The following HPSE2 variants were observed in gnomAD, a reference collection of about 807,000 sequenced individuals.
The protein encoded by HPSE2 is heparanase 2 (inactive).
Under a neutral mutation model 60.5 loss-of-function variants are expected in HPSE2, and 38 were observed. The observed-to-expected ratio is 0.63, with a 90% CI of 0.48 to 0.82. The LOEUF (loss-of-function observed/expected upper bound fraction) is 0.82, where lower values mean the gene tolerates loss of function less well. Ranked by LOEUF, HPSE2 falls within the 40% of genes least tolerant of loss-of-function variation. The pLI is 0.00. For missense variants in HPSE2, 713 were observed against 740.4 expected, an observed-to-expected ratio of 0.96 and a Z score of 0.43; for synonymous variants, 295 against 293.2, an observed-to-expected ratio of 1.01 and a Z score of -0.06.
chr10:98,997,093 T>G (rs1040264577), intron 3 of HPSE2, among the ~76,000 whole-genome samples: 1 of 150,690 alleles, frequency 6.6e-6, no homozygotes. Context: ...GTCCTTACTT[T>G]AGTCAATACA....
chr10:98,556,960 C>T (rs1279595256), intron 9 of HPSE2, among the ~76,000 whole-genome samples: 1 of 152,132 alleles, frequency 6.6e-6, no homozygotes, highest in East Asian at 1.9e-4. Flanking sequence ...CCTGTAATCC[C>T]AGCACTTTGG....
chr10:99,277,011 G>C, the HPSE2 span, among the ~76,000 whole-genome samples: 130,268 of 152,192 alleles, frequency 0.86, 56,115 homozygotes, highest in African/African-American at 0.92. Flanking sequence ...TAAATTACCA[G>C]GTCAATTCTG....
At chr10:98,862,219 G>C (rs1952475439) in intron 3 of HPSE2, among the ~76,000 whole-genome samples, 2 of 152,084 alleles carry the variant, frequency 1.3e-5, no homozygotes, top group South Asian at 4.1e-4. Flanking sequence ...CACAGCATGA[G>C]AGCCTAAGAA....
chr10:99,028,060 G>A (rs1957417830), intron 3 of HPSE2, among the ~76,000 whole-genome samples: 1 of 152,044 alleles, frequency 6.6e-6, no homozygotes, highest in Non-Finnish European at 1.5e-5. Context: ...AACAAGAAAA[G>A]ACTGAAAGCC....
chr10:98,797,897 G>C (rs1302323834), intron 3 of HPSE2, among the ~76,000 whole-genome samples: 3 of 151,988 alleles, frequency 2.0e-5, no homozygotes, highest in Non-Finnish European at 1.5e-5. Flanking sequence ...AGATGGGGTA[G>C]AAAGTTTATT....
chr10:98,895,502 A>C (rs1181733198), intron 3 of HPSE2, among the ~76,000 whole-genome samples: 1 of 152,186 alleles, frequency 6.6e-6, no homozygotes, highest in African/African-American at 2.4e-5. Context: ...TCATTGAGAA[A>C]GTTTAGGAAG....
chr10:98,806,448 T>C (rs1032870427), intron 3 of HPSE2, among the ~76,000 whole-genome samples: 1 of 152,198 alleles, frequency 6.6e-6, no homozygotes, highest in African/African-American at 2.4e-5. Context: ...AATAGAGCAC[T>C]GGACTTAGAG....
chr10:98,663,279 T>C (rs1420060941), intron 6 of HPSE2, among the ~76,000 whole-genome samples: 1 of 152,156 alleles, frequency 6.6e-6, no homozygotes, highest in East Asian at 1.9e-4. Context: ...ATGGAACTTA[T>C]ATTCTAGAAG....
intron 3 of HPSE2, among the ~76,000 whole-genome samples, chr10:99,094,411 C>A (rs1843627315): frequency 1.3e-5 from 2 of 149,154 alleles, no homozygotes; most frequent in Middle Eastern, 3.5e-3. Context: ...ATATACATTT[C>A]TATATCCAAT....
At chr10:98,465,132 T>G (rs1232288830) in intron 11 of HPSE2, among the ~76,000 whole-genome samples, 1 of 152,228 alleles carries the variant, frequency 6.6e-6, no homozygotes, top group Non-Finnish European at 1.5e-5. Context: ...ATATTTATCT[T>G]GTTACCCAGC....
chr10:98,675,246 T>A (rs1487358569), intron 6 of HPSE2, among the ~76,000 whole-genome samples: 2 of 152,168 alleles, frequency 1.3e-5, no homozygotes. Flanking sequence ...CTTTTACATC[T>A]GTGTTCAGAT....
chr10:98,731,974 A>G (rs74154337), intron 4 of HPSE2, among the ~76,000 whole-genome samples: 2,013 of 152,282 alleles, frequency 0.013, 55 homozygotes, highest in African/African-American at 0.046. Context: ...AAAATCAATT[A>G]TATTTCTAAG....
chr10:98,863,884 CATT>C (rs1952521145), intron 3 of HPSE2, among the ~76,000 whole-genome samples: 1 of 152,016 alleles, frequency 6.6e-6, no homozygotes, highest in African/African-American at 2.4e-5. Flanking sequence ...AAGTGAATTT[CATT>C]ATTATTCACC....
Position 98,637,122 on chromosome 10 carries a change from C to G in HPSE2, c.1098+4725G>C, listed in dbSNP as rs144217066. On this transcript the variant is annotated intron_variant, in intron 7 of 11. Coordinates refer to ENST00000370552, the MANE Select transcript of HPSE2 (RefSeq NM_021828.5). Reference sequence around the variant, plus strand: ...CATCCAAAGGGGTGAGTTGTCCACACACTGCTCAAACATGTCTCTATTTGG... The same window carrying G: ...CATCCAAAGGGGTGAGTTGTCCACAGACTGCTCAAACATGTCTCTATTTGG... Among the ~76,000 whole-genome samples the G allele has an allele frequency of 3.7e-3, 564 of 150,754 alleles. 4 individuals are homozygous for G. Among genetic ancestry groups the G allele is most frequent in the African/African-American group, 0.013 (544 of 41,000 alleles).
At chr10:99,062,961 C>T (rs1167654645) in intron 3 of HPSE2, among the ~76,000 whole-genome samples, 4 of 152,190 alleles carry the variant, frequency 2.6e-5, no homozygotes, top group African/African-American at 9.6e-5. Flanking sequence ...CTAAAGCCTT[C>T]TTTGTTCTGT....
At chr10:99,276,866 C>T in the HPSE2 span, among the ~76,000 whole-genome samples, 1 of 152,068 alleles carries the variant, frequency 6.6e-6, no homozygotes, top group African/African-American at 2.4e-5. Flanking sequence ...AAAATATTAT[C>T]CTACTATAAT....
chr10:98,572,795 A>G (rs549654), intron 9 of HPSE2, among the ~76,000 whole-genome samples: 129,036 of 152,218 alleles, frequency 0.85, 56,004 homozygotes, highest in East Asian at 1. Flanking sequence ...CCCCAACAAG[A>G]CTCAGATGCC....
intron 6 of HPSE2, among the ~76,000 whole-genome samples, chr10:98,642,300 C>T (rs1451283002): frequency 6.6e-6 from 1 of 152,138 alleles, no homozygotes; most frequent in African/African-American, 2.4e-5. Flanking sequence ...CATCACTAAT[C>T]CCACCTTAAA....
At chr10:98,602,631 T>C (rs561750838) in intron 9 of HPSE2, among the ~76,000 whole-genome samples, 2 of 152,216 alleles carry the variant, frequency 1.3e-5, no homozygotes, top group Admixed American at 6.5e-5. Context: ...TGGAATAAAA[T>C]TGAAAGTCCA....
Sources: allele counts gnomAD v4.1 joint callset (sites outside exome capture counted in the v4.1 genomes callset), GRCh38; gene constraint gnomAD v4.1.1; transcripts MANE v1.5; gene names NCBI Gene and HGNC (gene_info 2026-07-23, HGNC 2026-07-21).